LAMA2: variants seen among roughly 807,000 people sequenced by gnomAD.
The protein encoded by LAMA2 is laminin subunit alpha-2.
A neutral mutation model predicts 364.8 loss-of-function variants in LAMA2; 269 were observed. That is an observed-to-expected ratio of 0.74 (90% CI 0.67 to 0.82). LAMA2 has a LOEUF of 0.82. Ranked by LOEUF, LAMA2 falls within the 40% of genes least tolerant of loss-of-function variation. The pLI is 0.00. For missense variants in LAMA2, 3,807 were observed against 3,873.2 expected, an observed-to-expected ratio of 0.98 and a Z score of 0.45; for synonymous variants, 1,379 against 1,370.6, an observed-to-expected ratio of 1.01 and a Z score of -0.14.
chr6:128,957,609 G>T (rs891976941), intron 1 of LAMA2, among the ~76,000 whole-genome samples: 1 of 152,042 alleles, frequency 6.6e-6, no homozygotes, highest in Non-Finnish European at 1.5e-5. Flanking sequence ...TTTAGGGGGG[G>T]AAGGGGAGAA....
At chr6:129,092,461 A>G (rs1774902338) in intron 3 of LAMA2, among the ~76,000 whole-genome samples, 1 of 152,216 alleles carries the variant, frequency 6.6e-6, no homozygotes, top group African/African-American at 2.4e-5. Flanking sequence ...TTGGATAAAT[A>G]AGAGAATTGA....
At chr6:129,498,095 A>T (rs1785331081) in intron 58 of LAMA2, among the ~76,000 whole-genome samples, 2 of 152,218 alleles carry the variant, frequency 1.3e-5, no homozygotes, top group African/African-American at 4.8e-5. Flanking sequence ...AGTCTTTTTA[A>T]CAAGGATAGC....
At chr6:129,509,275 T>C (rs193164806) in intron 62 of LAMA2, among the ~76,000 whole-genome samples, 59 of 152,338 alleles carry the variant, frequency 3.9e-4, no homozygotes, top group Admixed American at 3.0e-3. Context: ...GATGGGTAGT[T>C]TGCAAATATT....
At chr6:129,363,831 T>C (rs1777608869) in intron 32 of LAMA2, among the ~76,000 whole-genome samples, 1 of 152,194 alleles carries the variant, frequency 6.6e-6, no homozygotes. Flanking sequence ...ACACAGTCAA[T>C]TTGGCACTTA....
In LAMA2 at chr6:128,929,703, T is replaced by A. The variant is rs1779332009; in HGVS notation, c.112+46346T>A. ...CAAGAAATCAAGGGCAATCACCCGA[T>A]GAAACCTCAAGGTCAGACCTTCCCA... On this transcript the variant is annotated intron_variant, in intron 1 of 64. Transcript: ENST00000421865. The A allele has an allele frequency of 6.4e-6, 9 of 1,402,594 alleles. No individual in the cohort carries two copies. The South Asian group carries it at 9.2e-5, about 14-fold the overall frequency. The allele number at this position is 1,402,594 out of a possible 1,614,324, so 86.9% of individuals were successfully genotyped here. A position where few individuals can be genotyped will look rare whatever the true frequency, so the allele number is the denominator to read the frequency against.
rs200780219 is a variant in LAMA2 at position 129,200,154 on chromosome 6, GTA to G, written c.1782+7312_1782+7313del. On this transcript the variant is annotated intron_variant, in intron 12 of 64. Transcript: ENST00000421865. ...TATATACGTGTACACATATACACGT[GTA>G]TATATATATACGTGTACACATATAC... Among the ~76,000 whole-genome samples, 289 of 133,208 alleles carry G rather than the reference GTA, an allele frequency of 2.2e-3. 5 individuals carry two copies. Among genetic ancestry groups the G allele is most frequent in the African/African-American group, 5.1e-3 (184 of 36,430 alleles). 87.4% of individuals were successfully genotyped at this position (133,208 alleles called of 152,430 possible).
intron 2 of LAMA2, among the ~76,000 whole-genome samples, chr6:129,055,348 C>T (rs954819726): frequency 1.3e-5 from 2 of 151,892 alleles, no homozygotes; most frequent in East Asian, 1.9e-4. Flanking sequence ...TGTGCCACTG[C>T]GTCTGGCTAA....
chr6:129,182,040 T>C (rs951429322), intron 10 of LAMA2, among the ~76,000 whole-genome samples: 2 of 151,874 alleles, frequency 1.3e-5, no homozygotes, highest in Non-Finnish European at 2.9e-5. Context: ...CACTAGATTA[T>C]AGTCCAGAAG....
intron 18 of LAMA2, among the ~76,000 whole-genome samples, chr6:129,283,014 C>T (rs1299066115): frequency 6.6e-6 from 1 of 152,064 alleles, no homozygotes; most frequent in Non-Finnish European, 1.5e-5. Flanking sequence ...TACAACAAAA[C>T]ATGGATTGGT....
chr6:129,024,560 A>T (rs1048498387), intron 1 of LAMA2, among the ~76,000 whole-genome samples: 2 of 151,002 alleles, frequency 1.3e-5, no homozygotes, highest in Non-Finnish European at 3.0e-5. Flanking sequence ...TTTTTATTTT[A>T]TTTTTTTGTA....
intron 1 of LAMA2, 122 bp from the exon 2 acceptor site, chr6:129,049,796 A>T: frequency 1.3e-6 from 1 of 787,234 alleles, no homozygotes; most frequent in Non-Finnish European, 2.2e-6. Context: ...TTTATCATTA[A>T]TTATCTCATG....
intron 56 of LAMA2, chr6:129,490,631 G>A (rs1316011750): frequency 6.6e-6 from 1 of 152,228 alleles, no homozygotes; most frequent in Non-Finnish European, 1.5e-5. Flanking sequence ...AGGGGAAAAA[G>A]AGTGTAGGGG....
intron 40 of LAMA2, among the ~76,000 whole-genome samples, chr6:129,427,407 A>T (rs1781375171): frequency 6.6e-6 from 1 of 152,174 alleles, no homozygotes; most frequent in African/African-American, 2.4e-5. Flanking sequence ...ACCGCCAGTT[A>T]TCATGCATCG....
chr6:129,078,999 T>C (rs997458054), intron 3 of LAMA2, among the ~76,000 whole-genome samples: 9 of 152,212 alleles, frequency 5.9e-5, no homozygotes, highest in African/African-American at 2.2e-4. Context: ...CTGAATAATA[T>C]TCCAATGTCT....
intron 7 of LAMA2, among the ~76,000 whole-genome samples, chr6:129,151,180 T>C (rs1016886266): frequency 3.9e-5 from 6 of 152,138 alleles, no homozygotes; most frequent in Non-Finnish European, 8.8e-5. Flanking sequence ...AGTGGGGCTG[T>C]AGGTGTAGGG....
At chr6:129,494,537 C>T (rs1785055324) in intron 58 of LAMA2, among the ~76,000 whole-genome samples, 1 of 152,246 alleles carries the variant, frequency 6.6e-6, no homozygotes, top group African/African-American at 2.4e-5. Context: ...GTGTCCAGTA[C>T]TCTGCCAGGC....
At chr6:129,187,860 AG>A (rs1025482943) in intron 10 of LAMA2, among the ~76,000 whole-genome samples, 62 of 151,964 alleles carry the variant, frequency 4.1e-4, no homozygotes, top group African/African-American at 1.5e-3. Context: ...TTTTCTGATT[AG>A]GGATGCTCAA....
intron 8 of LAMA2, among the ~76,000 whole-genome samples, chr6:129,156,942 T>A: frequency 6.6e-6 from 1 of 152,036 alleles, no homozygotes; most frequent in Non-Finnish European, 1.5e-5. Flanking sequence ...GCATATAAAT[T>A]ATTTTCTTCT....
chr6:128,973,206 G>T (rs1381942066), intron 1 of LAMA2, among the ~76,000 whole-genome samples: 1 of 152,150 alleles, frequency 6.6e-6, no homozygotes, highest in Non-Finnish European at 1.5e-5. Context: ...CCTCTTAATA[G>T]CTTGGCTCCA....
Sources: allele counts gnomAD v4.1 joint callset (sites outside exome capture counted in the v4.1 genomes callset), GRCh38; gene constraint gnomAD v4.1.1; transcripts MANE v1.5; gene names NCBI Gene and HGNC (gene_info 2026-07-23, HGNC 2026-07-21).